The following UGT2A1 variants were observed in gnomAD, a reference collection of about 807,000 sequenced individuals.
UGT2A1 encodes UDP glucuronosyltransferase family 2 member A1 complex locus.
A neutral mutation model predicts 45.4 loss-of-function variants in UGT2A1; 61 were observed. The observed-to-expected ratio is 1.34, with a 90% CI of 1.09 to 1.66. The LOEUF (loss-of-function observed/expected upper bound fraction) is 1.66. UGT2A1 is among the 40% of genes most tolerant of loss of function. The pLI is 0.00. For missense variants in UGT2A1, 649 were observed against 574.3 expected, an observed-to-expected ratio of 1.13 and a Z score of -1.33; for synonymous variants, 229 against 196.2, an observed-to-expected ratio of 1.17 and a Z score of -1.40.
At chr4:69,599,983 G>C (rs532886495) in intron 3 of UGT2A1, among the ~76,000 whole-genome samples, 4 of 152,254 alleles carry the variant, frequency 2.6e-5, no homozygotes, top group Admixed American at 2.6e-4. Flanking sequence ...CACTTGAAAA[G>C]ACAATATAGT....
At chr4:69,623,408 T>C (rs1720866390) in intron 3 of UGT2A1, among the ~76,000 whole-genome samples, 1 of 151,598 alleles carries the variant, frequency 6.6e-6, no homozygotes, top group Non-Finnish European at 1.5e-5. Context: ...ACAAAGGCAG[T>C]GGATAAAATG....
At chr4:69,631,202 A>G (rs1001377365) in intron 3 of UGT2A1, among the ~76,000 whole-genome samples, 6 of 152,178 alleles carry the variant, frequency 3.9e-5, no homozygotes, top group Admixed American at 1.3e-4. Context: ...CTAGAATCAC[A>G]AAGATACCTA....
intron 3 of UGT2A1, among the ~76,000 whole-genome samples, chr4:69,616,816 C>T (rs1336726822): frequency 2.1e-5 from 3 of 144,884 alleles, no homozygotes; most frequent in Admixed American, 7.2e-5. Context: ...TTCTAAATTT[C>T]TCTGCCATTT....
At chr4:69,603,312 C>A (rs1719406464) in intron 3 of UGT2A1, among the ~76,000 whole-genome samples, 1 of 135,940 alleles carries the variant, frequency 7.4e-6, no homozygotes, top group Non-Finnish European at 1.6e-5. Flanking sequence ...AAAAACAAAA[C>A]CACTTATGTA....
chr4:69,596,509 C>T (rs1718942189), intron 4 of UGT2A1: 1 of 1,267,052 alleles, frequency 7.9e-7, no homozygotes, highest in Non-Finnish European at 1.0e-6. Flanking sequence ...TGTCTTCTGA[C>T]ATGTAGAAAG....
At chr4:69,637,811 A>G (rs1721797301) in intron 2 of UGT2A1, among the ~76,000 whole-genome samples, 1 of 152,098 alleles carries the variant, frequency 6.6e-6, no homozygotes, top group Non-Finnish European at 1.5e-5. Flanking sequence ...GACAAGTTGT[A>G]GGAACTAGGT....
At chr4:69,595,335 CA>C in intron 4 of UGT2A1, 86 bp from the exon 5 acceptor site, 1 of 1,494,998 alleles carries the variant, frequency 6.7e-7, no homozygotes. Context: ...ATCATTTAGC[CA>C]GCTACTTGGA....
At chr4:69,632,399 T>C (rs1721436497) in intron 3 of UGT2A1, among the ~76,000 whole-genome samples, 1 of 152,042 alleles carries the variant, frequency 6.6e-6, no homozygotes, top group Non-Finnish European at 1.5e-5. Flanking sequence ...AGAATTGAAG[T>C]TGAGTTGCTG....
intron 6 of UGT2A1, among the ~76,000 whole-genome samples, chr4:69,591,250 G>A (rs1355457162): frequency 6.6e-6 from 1 of 152,150 alleles, no homozygotes; most frequent in Non-Finnish European, 1.5e-5. Context: ...CAAGGTGGCT[G>A]GGGTGCAGCT....
At chr4:69,622,408 A>G (rs1720805462) in intron 3 of UGT2A1, among the ~76,000 whole-genome samples, 1 of 151,764 alleles carries the variant, frequency 6.6e-6, no homozygotes, top group African/African-American at 2.4e-5. Flanking sequence ...TATTTAATTA[A>G]TTATCTGAAA....
intron 3 of UGT2A1, among the ~76,000 whole-genome samples, chr4:69,616,234 T>A (rs1368011304): frequency 2.6e-5 from 4 of 151,560 alleles, no homozygotes; most frequent in Non-Finnish European, 5.9e-5. Flanking sequence ...CTGGGAAAGG[T>A]CTTGGGGGGT....
chr4:69,596,148 G>T, intron 4 of UGT2A1: 1 of 1,340,438 alleles, frequency 7.5e-7, no homozygotes, highest in Admixed American at 2.8e-5. Context: ...GTGATACTCA[G>T]TGTATAATGA....
At chr4:69,610,746 G>A (rs1719986990) in intron 3 of UGT2A1, among the ~76,000 whole-genome samples, 1 of 152,060 alleles carries the variant, frequency 6.6e-6, no homozygotes, top group Admixed American at 6.6e-5. Flanking sequence ...AATATAAGAT[G>A]GTGGCCATAA....
Position 69,602,974 on chromosome 4 carries a change from A to T in UGT2A1, c.848-3580T>A, listed in dbSNP as rs975145906. 5.2e-5 allele frequency among the ~76,000 whole-genome samples: 7 copies of T among 135,546 alleles called. 2 individuals carry two copies. Among genetic ancestry groups the T allele is most frequent in the African/African-American group, 2.1e-4 (7 of 33,372 alleles). The allele number at this position is 135,546 out of a possible 152,430, so 88.9% of individuals were successfully genotyped here. On this transcript the variant is annotated intron_variant, in intron 3 of 6. Coordinates refer to ENST00000286604, the MANE Select transcript of UGT2A1 (RefSeq NM_001252275.3). ...TCCCAGATACTCTAGAGGCTGAGGC[A>T]GAGAATTGCTTGAACCCGGGAGGAG...
chr4:69,624,049 T>A (rs1720902179), intron 3 of UGT2A1, among the ~76,000 whole-genome samples: 1 of 151,642 alleles, frequency 6.6e-6, no homozygotes, highest in Non-Finnish European at 1.5e-5. Flanking sequence ...TTATTTTCTG[T>A]GTGCTTGTAT....
At chr4:69,636,840 T>C (rs1449763715) in intron 2 of UGT2A1, among the ~76,000 whole-genome samples, 1 of 152,156 alleles carries the variant, frequency 6.6e-6, no homozygotes, top group Non-Finnish European at 1.5e-5. Context: ...TAGTGAAATT[T>C]TTAACCCTAT....
Position 69,603,197 on chromosome 4 carries a change from C to A in UGT2A1, c.848-3803G>T, listed in dbSNP as rs955070991. Among the ~76,000 whole-genome samples, 3 of 135,372 alleles carry A rather than the reference C, an allele frequency of 2.2e-5. 1 individual carries two copies. Among genetic ancestry groups the A allele is most frequent in the Admixed American group, 2.2e-4 (3 of 13,812 alleles). 88.8% of individuals were successfully genotyped at this position (135,372 alleles called of 152,430 possible). A position where few individuals can be genotyped will look rare whatever the true frequency, so the allele number is the denominator to read the frequency against. On this transcript the variant is annotated intron_variant, in intron 3 of 6. Transcript: ENST00000286604. The stretch of plus-strand genomic sequence containing the variant: ...AAAATCCATACGGAAAAGCAAAGAG[C>A]CAAAAATAATCAAGGAACTCCAGAT...
intron 3 of UGT2A1, among the ~76,000 whole-genome samples, chr4:69,628,122 T>C (rs991068256): frequency 2.0e-5 from 3 of 151,922 alleles, no homozygotes; most frequent in Non-Finnish European, 2.9e-5. Flanking sequence ...CTTCCAGGGT[T>C]TTTGTGGTTT....
Position 69,608,414 on chromosome 4 carries a change from C to G in UGT2A1, c.848-9020G>C, listed in dbSNP as rs374648867. Among the ~76,000 whole-genome samples, 28 of 107,816 alleles carry G rather than the reference C, an allele frequency of 2.6e-4. No individual in the cohort carries two copies. In the East Asian group the frequency reaches 4.0e-3, roughly 15 times the overall value. 70.7% of individuals were successfully genotyped at this position (107,816 alleles called of 152,430 possible). On this transcript the variant is annotated intron_variant, in intron 3 of 6. Coordinates refer to ENST00000286604, the MANE Select transcript of UGT2A1 (RefSeq NM_001252275.3). ...GAAGGGGAACATCACACACCGGGGCCTGTTGTGGGGTGGGGGGAGGGGGGA... is the reference window on the plus strand; with the variant it reads ...GAAGGGGAACATCACACACCGGGGCGTGTTGTGGGGTGGGGGGAGGGGGGA...
Sources: gnomAD v4.1 joint callset for allele counts (sites outside exome capture counted in the v4.1 genomes callset) on GRCh38, gnomAD v4.1.1 for gene constraint, MANE v1.5 for transcripts, NCBI Gene and HGNC (gene_info 2026-07-23, HGNC 2026-07-21) for gene names.